TJP3: variants seen among roughly 807,000 people sequenced by gnomAD.
TJP3 encodes tight junction protein 3, also known as tight junction protein ZO-3.
TJP3 carries 85 observed loss-of-function variants against 104.2 expected under a neutral mutation model. The ratio of observed to expected loss-of-function variants is 0.82; its 90% CI spans 0.68 to 0.98. TJP3 has a LOEUF of 0.98. Among genes scored for constraint, TJP3 ranks in the 50% least tolerant of loss-of-function variants. The pLI, the probability that TJP3 is intolerant of heterozygous loss-of-function variation, is 0.00. For synonymous variants in TJP3, 550 were observed against 550.6 expected (o/e 1.00, Z 0.02); for missense variants, 1,367 against 1,322.8 (o/e 1.03, Z -0.52).
intron 1 of TJP3, among the ~76,000 whole-genome samples, chr19:3,723,214 AC>A (rs1287796403): frequency 6.6e-6 from 1 of 152,014 alleles, no homozygotes; most frequent in African/African-American, 2.4e-5. Flanking sequence ...GGACAAATCC[AC>A]TCTGACATCC....
chr19:3,738,773 C>T (rs2036772016), intron 12 of TJP3, 110 bp downstream of exon 12: 1 of 1,315,334 alleles, frequency 7.6e-7, no homozygotes, highest in Non-Finnish European at 1.1e-6. Flanking sequence ...CTGCACCCTC[C>T]ATCCCTCTCC....
chr19:3,710,080 T>C (rs1221870062), intron 1 of TJP3, among the ~76,000 whole-genome samples: 2 of 128,082 alleles, frequency 1.6e-5, no homozygotes, highest in African/African-American at 6.1e-5. Context: ...ACCCAGGAGG[T>C]GGAGGTTGCA....
intron 6 of TJP3, among the ~76,000 whole-genome samples, chr19:3,733,035 T>TTTTCC (rs1360491422): frequency 6.6e-6 from 1 of 151,374 alleles, no homozygotes; most frequent in Non-Finnish European, 1.5e-5. Context: ...CTCTTTTTTC[T>TTTTCC]TTTCTTTTCT....
chr19:3,732,044 G>T lies in TJP3; in HGVS notation c.717+6G>T, dbSNP rs1440369085. 1.2e-6 allele frequency: 2 copies of T among 1,609,820 alleles called. No individual in the cohort carries two copies. The highest frequency in any genetic ancestry group is 1.7e-6 in the Non-Finnish European group (2 of 1,178,684). On this transcript the variant is annotated splice_donor_region_variant and intron_variant, in intron 6 of 20. Coordinates refer to ENST00000541714, the MANE Select transcript of TJP3 (RefSeq NM_001267560.2). ...AAGGAGATCTCATTCTACAGGTGAG[G>T]CCGGGCTTCTTGTCCTGAGAGCAGG...
rs749504969 is a variant in TJP3, at chr19:3,747,914, G to A, written c.2443G>A (p.Ala815Thr). The A allele has an allele frequency of 1.1e-5, 18 of 1,613,124 alleles. 1 individual carries two copies. Among genetic ancestry groups the A allele is most frequent in the South Asian group, 7.7e-5 (7 of 91,066 alleles). ...SDYETDGEGG[A>T]YTDGEGYTDG... ...CTACGAGACGGACGGCGAGGGCGGC[G>A]CGTACACGGATGGCGAGGGCTACAC... is the stretch of plus-strand genomic sequence containing the variant. The change falls in exon 19 of 21, where the codon GCG (alanine) becomes ACG (threonine). Residue 815 changes from alanine to threonine, a missense_variant. Transcript: ENST00000541714.
chr19:3,733,850 G>C lies in TJP3; in HGVS notation c.815G>C (p.Arg272Pro). Residue 272 changes from arginine (R) to proline (P), a missense_variant, in exon 7 of 21, where the codon CGT (arginine) becomes CCT (proline). Physicochemically the swap from Arg to Pro is moderately radical, Grantham distance 103. Coordinates refer to ENST00000541714, the MANE Select transcript of TJP3 (RefSeq NM_001267560.2). Reference sequence around the variant, plus strand: ...CTAAGCCTGCTGGTGCTGAGAGATCGTGGGCAGTTCCTGGTGAACATTCCG... The same window carrying C: ...CTAAGCCTGCTGGTGCTGAGAGATCCTGGGCAGTTCCTGGTGAACATTCCG... ...GKLSLLVLRD[R>P]GQFLVNIPPA... 2 of 1,614,234 alleles carry C rather than the reference G, an allele frequency of 1.2e-6. No homozygotes were observed. The highest frequency in any genetic ancestry group is 2.2e-5 in the South Asian group (2 of 91,090).
chr19:3,750,160 G>C lies in TJP3; in HGVS notation c.2633G>C (p.Gly878Ala). Residue 878 changes from glycine to alanine, a missense_variant, in exon 20 of 21, where the codon GGA becomes GCA. Transcript: ENST00000541714. ...AAGGTGGACAGCCGCCACCCCCAGG[G>C]ACAGTGGCGACAGGACAGCATGCGG... ...GAQVDSRHPQ[G>A]QWRQDSMRTY... is the part of the protein sequence containing the mutation. 1 of 1,613,954 alleles carries C rather than the reference G, an allele frequency of 6.2e-7. No homozygotes were observed.
At chr19:3,739,175 A>G (rs1208256214) in intron 13 of TJP3, 41 bp downstream of exon 13, 1 of 1,476,286 alleles carries the variant, frequency 6.8e-7, no homozygotes. Flanking sequence ...CTTCTGCTTC[A>G]GCCTCAGTCT....
rs549831017 is a variant in TJP3 at position 3,745,133 on chromosome 19, C to CTTTTTTTTTTTTTTTTTTTTT, written c.1940-868_1940-848dup. On this transcript the variant is annotated intron_variant, in intron 15 of 20. Transcript: ENST00000541714. ...TTAAAAAAAGATGCAAATTTTATGT[C>CTTTTTTTTTTTTTTTTTTTTT]TTTTTTTTTTTTTTTTTTTTTTTTT... 2.9e-5 allele frequency among the ~76,000 whole-genome samples: 2 copies of CTTTTTTTTTTTTTTTTTTTTT among 70,046 alleles called. 1 individual carries two copies. Among genetic ancestry groups the CTTTTTTTTTTTTTTTTTTTTT allele is most frequent in the African/African-American group, 1.3e-4 (2 of 15,858 alleles). 46.0% of individuals were successfully genotyped at this position (70,046 alleles called of 152,430 possible).
At position 3,740,533 on chromosome 19, in the gene TJP3, T is replaced by G. The variant is rs1178835785; in HGVS notation, c.1632-19T>G. 1.4e-6 allele frequency: 2 copies of G among 1,429,958 alleles called. No individual in the cohort carries two copies. The highest frequency in any genetic ancestry group is 2.9e-5 in the African/African-American group (2 of 69,518). 88.6% of individuals were successfully genotyped at this position (1,429,958 alleles called of 1,614,324 possible). ...TGCTGCTGACCCCAGTGCTCAGTACTGTCCCCTCTTCTCCCCAGGGCGGAG... is the reference window on the plus strand; with the variant it reads ...TGCTGCTGACCCCAGTGCTCAGTACGGTCCCCTCTTCTCCCCAGGGCGGAG... On this transcript the variant is annotated intron_variant, in intron 13 of 20. Transcript: ENST00000541714.
chr19:3,745,478 G>A (rs1447456314), intron 15 of TJP3, among the ~76,000 whole-genome samples: 1 of 152,122 alleles, frequency 6.6e-6, no homozygotes, highest in Non-Finnish European at 1.5e-5. Flanking sequence ...ACAAAAAGGG[G>A]GGATGAGATC....
chr19:3,727,354 A>G (rs2036610403), intron 1 of TJP3, among the ~76,000 whole-genome samples: 2 of 151,332 alleles, frequency 1.3e-5, no homozygotes, highest in African/African-American at 4.9e-5. Context: ...ATGGTGGCAC[A>G]TGCCTGTAGT....
rs761355641 is a variant in TJP3 at position 3,730,034 on chromosome 19, C to T, written c.165C>T (p.Gly55=). ...GGPAEGRLQT[G]DHIVMVNGVS... The stretch of plus-strand genomic sequence containing the variant: ...ACCCGCCCTCCTCTCTCAGGACAGG[C>T]GACCACATCGTCATGGTGAACGGGG... Residue 55 remains glycine (G), a synonymous_variant, in exon 4 of 21, where the codon GGC becomes GGT. Transcript: ENST00000541714. This position sits in a 1 kb window ranked among gnomAD's most constrained non-coding sequence, Gnocchi z 7.3. 11 of 1,613,772 alleles carry T rather than the reference C, an allele frequency of 6.8e-6. No individual in the cohort carries two copies. The highest frequency in any genetic ancestry group is 3.3e-5 in the Admixed American group (2 of 59,980).
At chr19:3,743,750 G>A in intron 14 of TJP3, 189 bp from the exon 15 acceptor site, 1 of 563,894 alleles carries the variant, frequency 1.8e-6, no homozygotes, top group Non-Finnish European at 3.2e-6. Flanking sequence ...GTGTTCCATT[G>A]GCCATTATTT....
Position 3,734,449 on chromosome 19 carries a change from A to G in TJP3, c.986+14A>G. 3 of 1,587,452 alleles carry G rather than the reference A, an allele frequency of 1.9e-6. No homozygotes were observed. Among genetic ancestry groups the G allele is most frequent in the Non-Finnish European group, 2.6e-6 (3 of 1,167,448 alleles). ...CGACTCTCCCGTGTAAGTATCACCC[A>G]TCGGCCAGAATGGTGATAGGGAGGG... On this transcript the variant is annotated intron_variant, in intron 8 of 20. Coordinates refer to ENST00000541714, the MANE Select transcript of TJP3 (RefSeq NM_001267560.2).
chr19:3,721,908 C>G, intron 1 of TJP3: 1 of 1,228,416 alleles, frequency 8.1e-7, no homozygotes, highest in Middle Eastern at 2.6e-4. Context: ...GGTGAGATTC[C>G]AGGCGAGTAA....
chr19:3,711,615 G>A (rs1187856604), intron 1 of TJP3, among the ~76,000 whole-genome samples: 2 of 149,848 alleles, frequency 1.3e-5, no homozygotes, highest in African/African-American at 2.4e-5. Context: ...AAATGAGGCC[G>A]GATGCGGTGG....
intron 1 of TJP3, chr19:3,721,994 A>G: frequency 1.3e-6 from 1 of 778,796 alleles, no homozygotes; most frequent in Non-Finnish European, 1.7e-6. Context: ...AGTCGGACCC[A>G]GGACCCCAGA....
rs2036887814 is a variant in TJP3 at position 3,746,365 on chromosome 19, GCCTGTGGA to G, written c.2011-119_2011-112del. 1.8e-6 allele frequency: 2 copies of G among 1,132,862 alleles called. No homozygotes were observed. The highest frequency in any genetic ancestry group is 4.6e-5 in the Admixed American group (2 of 43,702). 70.2% of individuals were successfully genotyped at this position (1,132,862 alleles called of 1,614,324 possible). On this transcript the variant is annotated intron_variant, in intron 16 of 20. Transcript: ENST00000541714. This position sits in a 1 kb window ranked among gnomAD's most constrained non-coding sequence, Gnocchi z 4.1. ...TACCACCCCCATCCCCAACTTGCTA[GCCTGTGGA>G]TGTGAGAGGCTGGGGTCCACTCTGA...
Sources: gnomAD v4.1 joint callset for allele counts (sites outside exome capture counted in the v4.1 genomes callset) on GRCh38, gnomAD v4.1.1 for gene constraint, Gnocchi (gnomAD v3.1) non-coding constraint, MANE v1.5 for transcripts, NCBI Gene and HGNC (gene_info 2026-07-23, HGNC 2026-07-21) for gene names.